The following MYOCD variants were observed in gnomAD, a reference collection of about 807,000 sequenced individuals.
MYOCD encodes the protein myocardin.
MYOCD carries 32 observed loss-of-function variants against 96.1 expected under a neutral mutation model. The ratio of observed to expected loss-of-function variants is 0.33; its 90% CI spans 0.25 to 0.45. The LOEUF is 0.45. MYOCD is among the 20% of genes least tolerant of loss of function. The probability of loss-of-function intolerance (pLI) is 1.00; values close to 1 mark genes in which losing one functional copy is unlikely to be tolerated. For synonymous variants in MYOCD, 469 were observed against 469.0 expected (o/e 1.00, Z 0.00); for missense variants, 1,133 against 1,200.6 (o/e 0.94, Z 0.83).
chr17:12,701,967 G>C (rs2031094868), intron 1 of MYOCD, among the ~76,000 whole-genome samples: 2 of 152,002 alleles, frequency 1.3e-5, no homozygotes. Flanking sequence ...CTATGGCCTA[G>C]TGTATATTGG....
At position 12,722,721 on chromosome 17, in the gene MYOCD, G is replaced by A. The variant is rs557840532; in HGVS notation, c.254-126G>A. ...CCTGTAAAGTGATGATGATTGCATC[G>A]AAAAATTATTAGGATGGTAGAGCAC... is the stretch of plus-strand genomic sequence containing the variant. On this transcript the variant is annotated intron_variant, in intron 4 of 13. Coordinates refer to ENST00000425538, the MANE Select transcript of MYOCD (RefSeq NM_001146312.3). 75 of 742,402 alleles carry A rather than the reference G, an allele frequency of 1.0e-4. 1 individual carries two copies. The highest frequency in any genetic ancestry group is 8.1e-4 in the South Asian group (37 of 45,536). The allele number at this position is 742,402 out of a possible 1,614,324, so 46.0% of individuals were successfully genotyped here.
chr17:12,744,464 C>T (rs901303352), intron 8 of MYOCD, 28 bp downstream of exon 8: 1 of 1,579,556 alleles, frequency 6.3e-7, no homozygotes, highest in Non-Finnish European at 8.6e-7. Flanking sequence ...GGGAGGGTGG[C>T]TGTGGGCAGA....
intron 4 of MYOCD, among the ~76,000 whole-genome samples, chr17:12,718,746 A>G (rs1216711748): frequency 6.6e-6 from 1 of 152,190 alleles, no homozygotes; most frequent in Admixed American, 6.5e-5. Context: ...GAAAACAGAA[A>G]AAAGTCCCTC....
intron 2 of MYOCD, among the ~76,000 whole-genome samples, chr17:12,708,978 G>A (rs932381004): frequency 8.5e-5 from 13 of 152,112 alleles, no homozygotes; most frequent in Non-Finnish European, 1.2e-4. Context: ...TGTGTCGTGC[G>A]AAAATGCCAA....
At chr17:12,760,814 C>G in intron 13 of MYOCD, 107 bp downstream of exon 13, 2 of 900,940 alleles carry the variant, frequency 2.2e-6, no homozygotes, top group Non-Finnish European at 3.6e-6. Context: ...TTGGATGTAC[C>G]AGGTAGTCCT....
intron 9 of MYOCD, among the ~76,000 whole-genome samples, chr17:12,749,544 A>ATATATATG (rs1247260326): frequency 6.7e-6 from 1 of 148,536 alleles, no homozygotes; most frequent in Admixed American, 6.8e-5. Context: ...TTATATATAT[A>ATATATATG]TATGTATGTA....
chr17:12,743,486 CTTTTTTTT>C (rs373893604), intron 7 of MYOCD, among the ~76,000 whole-genome samples: 6 of 98,336 alleles, frequency 6.1e-5, no homozygotes, highest in African/African-American at 2.0e-4. Context: ...TATGAAAGTT[CTTTTTTTT>C]TTTTTTTTTT....
At chr17:12,744,969 A>T (rs1032794106) in intron 8 of MYOCD, among the ~76,000 whole-genome samples, 3 of 152,328 alleles carry the variant, frequency 2.0e-5, no homozygotes, top group Admixed American at 2.0e-4. Context: ...GACTGCTATA[A>T]ATCAATGCCC....
Position 12,682,007 on chromosome 17 carries a change from C to G in MYOCD, c.55+15764C>G, listed in dbSNP as rs118075893. The stretch of plus-strand genomic sequence containing the variant: ...CAAATTGAGCTCAGGCATTAGCACT[C>G]CACACAAAAATCATCCCTGGCTCTC... On this transcript the variant is annotated intron_variant, in intron 1 of 13. Coordinates refer to ENST00000425538, the MANE Select transcript of MYOCD (RefSeq NM_001146312.3). Among the ~76,000 whole-genome samples the G allele has an allele frequency of 2.2e-3, 331 of 152,294 alleles. 2 individuals are homozygous for G. The highest frequency in any genetic ancestry group is 5.2e-3 in the Admixed American group (80 of 15,302).
At position 12,763,362 on chromosome 17, in the gene MYOCD, G is replaced by A. The variant is rs774577389; in HGVS notation, c.2679G>A (p.Lys893=). ...GGATAATGGATGGATTCTCTGGGAAGGCTGCAGAAGACCTCTTCAATGCAC... is the reference window on the plus strand; with the variant it reads ...GGATAATGGATGGATTCTCTGGGAAAGCTGCAGAAGACCTCTTCAATGCAC... ...FDGIMDGFSG[K]AAEDLFNAHE... is the part of the protein sequence containing the mutation. Residue 893 remains lysine, a synonymous_variant, in exon 14 of 14, where the codon AAG becomes AAA. Coordinates refer to ENST00000425538, the MANE Select transcript of MYOCD (RefSeq NM_001146312.3). 7 of 1,597,906 alleles carry A rather than the reference G, an allele frequency of 4.4e-6. No individual in the cohort carries two copies. The highest frequency in any genetic ancestry group is 6.0e-6 in the Non-Finnish European group (7 of 1,172,022).
At chr17:12,737,112 G>A (rs568643743) in intron 6 of MYOCD, among the ~76,000 whole-genome samples, 55 of 152,084 alleles carry the variant, frequency 3.6e-4, no homozygotes, top group Admixed American at 1.6e-3. Context: ...AAAATTAGCC[G>A]GGCATGGTGG....
At chr17:12,736,401 T>C in intron 6 of MYOCD, 65 bp downstream of exon 6, 2 of 1,530,462 alleles carry the variant, frequency 1.3e-6, no homozygotes, top group Non-Finnish European at 1.8e-6. Flanking sequence ...CGTTTCAGTC[T>C]TAACATCAAC....
intron 2 of MYOCD, chr17:12,710,618 C>CT (rs1256453974): frequency 2.1e-6 from 1 of 467,374 alleles, no homozygotes; most frequent in East Asian, 1.5e-4. Context: ...TCACATGCAG[C>CT]TTCACGATAG....
intron 1 of MYOCD, among the ~76,000 whole-genome samples, chr17:12,683,502 TTC>T (rs980112467): frequency 2.0e-5 from 3 of 152,128 alleles, no homozygotes; most frequent in African/African-American, 7.2e-5. Context: ...CTGTCTCTCA[TTC>T]TCTCTTTCTT....
chr17:12,738,878 C>G (rs2032422439), intron 6 of MYOCD, among the ~76,000 whole-genome samples: 1 of 151,376 alleles, frequency 6.6e-6, no homozygotes, highest in African/African-American at 2.4e-5. Context: ...AGTTTTATAC[C>G]TGTCTTTTGG....
In MYOCD at chr17:12,765,741, CA is replaced by C. The variant is rs1487197344; in HGVS notation, c.*2099del. 2 of 152,166 alleles carry C rather than the reference CA, an allele frequency of 1.3e-5. No individual in the cohort carries two copies. The highest frequency in any genetic ancestry group is 3.8e-4 in the East Asian group (2 of 5,198). The allele number at this position is 152,166 out of a possible 1,614,324, so 9.4% of individuals were successfully genotyped here. On this transcript the variant is annotated 3_prime_UTR_variant, in exon 14 of 14. Transcript: ENST00000425538. ...CCTCTCTGTGTATGACTAACGGCTCCAACCCGATGACTCACAGCTACTTGCT... is the reference window on the plus strand; with the variant it reads ...CCTCTCTGTGTATGACTAACGGCTCCACCCGATGACTCACAGCTACTTGCT...
At chr17:12,720,794 G>A (rs189612134) in intron 4 of MYOCD, among the ~76,000 whole-genome samples, 36 of 152,076 alleles carry the variant, frequency 2.4e-4, no homozygotes, top group East Asian at 2.1e-3. Context: ...AGGCCGAGGC[G>A]GGCGGATCAT....
intron 1 of MYOCD, among the ~76,000 whole-genome samples, chr17:12,688,309 A>C (rs2030236015): frequency 6.6e-6 from 1 of 152,368 alleles, no homozygotes. Flanking sequence ...GATCGCTTAT[A>C]GGAATGATCC....
chr17:12,694,720 G>T (rs762408856), intron 1 of MYOCD, among the ~76,000 whole-genome samples: 1 of 152,066 alleles, frequency 6.6e-6, no homozygotes, highest in East Asian at 1.9e-4. Flanking sequence ...GACATTTCCT[G>T]TGATGAAATC....
Sources: gnomAD v4.1 joint callset for allele counts (sites outside exome capture counted in the v4.1 genomes callset) on GRCh38, gnomAD v4.1.1 for gene constraint, MANE v1.5 for transcripts, NCBI Gene and HGNC (gene_info 2026-07-23, HGNC 2026-07-21) for gene names.